ACSS3: variants seen among roughly 807,000 people sequenced by gnomAD.
The protein encoded by ACSS3 is acyl-CoA synthetase short chain family member 3.
Under a neutral mutation model 84.2 loss-of-function variants are expected in ACSS3, and 64 were observed. The ratio of observed to expected loss-of-function variants is 0.76; its 90% CI spans 0.62 to 0.94. ACSS3 has a LOEUF of 0.94. ACSS3 is among the 40% of genes least tolerant of loss of function. The pLI, the probability that ACSS3 is intolerant of heterozygous loss-of-function variation, is 0.00. For synonymous variants in ACSS3, 317 were observed against 310.1 expected (o/e 1.02, Z -0.23); for missense variants, 815 against 867.6 (o/e 0.94, Z 0.76).
chr12:81,150,469 A>G (rs1886556610), intron 5 of ACSS3, among the ~76,000 whole-genome samples: 1 of 152,216 alleles, frequency 6.6e-6, no homozygotes, highest in Admixed American at 6.5e-5. Flanking sequence ...GGACGATAGG[A>G]TAGGATACAG....
intron 1 of ACSS3, among the ~76,000 whole-genome samples, chr12:81,090,474 T>C (rs1164746128): frequency 6.6e-6 from 1 of 151,306 alleles, no homozygotes; most frequent in Non-Finnish European, 1.5e-5. Flanking sequence ...GCCTTCTGTA[T>C]ATATCAGTTG....
At chr12:81,145,513 T>A (rs1294499259) in intron 5 of ACSS3, among the ~76,000 whole-genome samples, 2 of 152,084 alleles carry the variant, frequency 1.3e-5, no homozygotes, top group East Asian at 3.9e-4. Flanking sequence ...AGGTGATCCT[T>A]TAGTTGGGAA....
intron 5 of ACSS3, among the ~76,000 whole-genome samples, chr12:81,144,903 C>CTTTTTTTTTTTTTTTT (rs1292727483): frequency 1.9e-4 from 22 of 116,940 alleles, no homozygotes; most frequent in East Asian, 9.8e-4. Context: ...TTTTTCTTTT[C>CTTTTTTTTTTTTTTTT]TTTTTTTTTT....
chr12:81,100,900 C>T (rs902751466), intron 1 of ACSS3, among the ~76,000 whole-genome samples: 10 of 152,116 alleles, frequency 6.6e-5, no homozygotes, highest in Admixed American at 1.3e-4. Flanking sequence ...CTACAGAAAG[C>T]GACATGGCCA....
intron 1 of ACSS3, among the ~76,000 whole-genome samples, chr12:81,105,144 C>T (rs1159548936): frequency 6.6e-6 from 1 of 152,176 alleles, no homozygotes; most frequent in Non-Finnish European, 1.5e-5. Context: ...TGGGTGCCAG[C>T]ACTGAGATGA....
At chr12:81,165,858 G>A (rs554520675) in intron 7 of ACSS3, among the ~76,000 whole-genome samples, 2 of 152,234 alleles carry the variant, frequency 1.3e-5, no homozygotes, top group East Asian at 3.9e-4. Flanking sequence ...TAGATAGGAA[G>A]AACTTTGTGA....
At chr12:81,165,844 C>G (rs1002427992) in intron 7 of ACSS3, among the ~76,000 whole-genome samples, 7 of 151,938 alleles carry the variant, frequency 4.6e-5, no homozygotes, top group African/African-American at 9.7e-5. Context: ...ATGTTTGCAA[C>G]TAGTAGATAG....
chr12:81,117,953 A>G (rs983159167), intron 2 of ACSS3: 9 of 152,142 alleles, frequency 5.9e-5, no homozygotes, highest in Non-Finnish European at 1.3e-4. Context: ...TGAACCAATT[A>G]TGCAGCAGTT....
intron 2 of ACSS3, chr12:81,125,764 C>G (rs991051882): frequency 2.0e-5 from 3 of 152,108 alleles, no homozygotes; most frequent in Non-Finnish European, 2.9e-5. Flanking sequence ...GCAGGATTGC[C>G]GAGTAGGTGT....
chr12:81,079,309 T>C lies in ACSS3; in HGVS notation c.311+878T>C, dbSNP rs1880823659. On this transcript the variant is annotated intron_variant, in intron 1 of 15. Transcript: ENST00000548058. ...GGTGAAGCACAGTCAGTGATACTCT[T>C]AGAGTGTGGCTCCTTATGTGTCTGC... is the stretch of plus-strand genomic sequence containing the variant. 2.0e-5 allele frequency among the ~76,000 whole-genome samples: 3 copies of C among 152,322 alleles called. No homozygotes were observed. The East Asian group carries it at 5.8e-4, about 29-fold the overall frequency.
rs1181815619 is a variant in ACSS3 at position 81,259,383 on chromosome 12, A to T, written c.*4461A>T. 8.0e-6 allele frequency: 5 copies of T among 623,980 alleles called. No individual in the cohort carries two copies. In the South Asian group the frequency reaches 8.0e-5, roughly 10 times the overall value. The allele number at this position is 623,980 out of a possible 1,614,324, so 38.7% of individuals were successfully genotyped here. ...ATAAATGCCTAGTATATTACAATAA[A>T]ACATGAAAAACAACTGGCTTCATTT... On this transcript the variant is annotated 3_prime_UTR_variant, in exon 16 of 16. Coordinates refer to ENST00000548058, the MANE Select transcript of ACSS3 (RefSeq NM_024560.4).
rs2034256322 is a variant in ACSS3 at position 81,254,882 on chromosome 12, G to A, written c.2021G>A (p.Ser674Asn). The stretch of plus-strand genomic sequence containing the variant: ...ATAACTTCTACAATTGAAGACCCCA[G>A]CATTTTTGGCCACGTAGAAGAAATG... ...YKITSTIEDP[S>N]IFGHVEEMLK... Residue 674 changes from serine to asparagine, a missense_variant, in exon 16 of 16, where the codon AGC (serine) becomes AAC (asparagine). Ser to Asn is a conservative substitution (Grantham distance 46). Coordinates refer to ENST00000548058, the MANE Select transcript of ACSS3 (RefSeq NM_024560.4). 6 of 1,608,872 alleles carry A rather than the reference G, an allele frequency of 3.7e-6. No homozygotes were observed. In the Middle Eastern group the frequency reaches 5.0e-4, roughly 133 times the overall value.
At chr12:81,208,703 A>T (rs2032454955) in intron 9 of ACSS3, among the ~76,000 whole-genome samples, 1 of 150,776 alleles carries the variant, frequency 6.6e-6, no homozygotes, top group Non-Finnish European at 1.5e-5. Context: ...TTCCTGGAAC[A>T]ATATTCAAAT....
chr12:81,081,589 ACT>A (rs1880981650), intron 1 of ACSS3, among the ~76,000 whole-genome samples: 1 of 152,024 alleles, frequency 6.6e-6, no homozygotes, highest in African/African-American at 2.4e-5. Context: ...TCCAGCTGCC[ACT>A]CTCTGAAGGA....
chr12:81,257,887 T>C lies in ACSS3; in HGVS notation c.*2965T>C, dbSNP rs2034370398. 6.6e-6 allele frequency: 1 copy of C among 152,148 alleles called. No homozygotes were observed. Among genetic ancestry groups the C allele is most frequent in the Non-Finnish European group, 1.5e-5 (1 of 68,010 alleles). The allele number at this position is 152,148 out of a possible 1,614,324, so 9.4% of individuals were successfully genotyped here. ...TCTTTTGCATCACTATATGTTAGTG[T>C]CTATTATAGATGATTAATCTTTCTA... On this transcript the variant is annotated 3_prime_UTR_variant, in exon 16 of 16. Transcript: ENST00000548058.
At chr12:81,164,057 A>G (rs909437893) in intron 7 of ACSS3, among the ~76,000 whole-genome samples, 2 of 152,150 alleles carry the variant, frequency 1.3e-5, no homozygotes, top group African/African-American at 4.8e-5. Flanking sequence ...ACACCTTCAT[A>G]TTCATTCACC....
chr12:81,186,330 T>C (rs1347624973), intron 8 of ACSS3, among the ~76,000 whole-genome samples: 1 of 151,596 alleles, frequency 6.6e-6, no homozygotes. Flanking sequence ...TATCAAATGC[T>C]CAGGCCACAA....
At chr12:81,161,824 C>CATGT in intron 7 of ACSS3, among the ~76,000 whole-genome samples, 1 of 152,072 alleles carries the variant, frequency 6.6e-6, no homozygotes, top group East Asian at 2.0e-4. Context: ...AGCGTGGGGT[C>CATGT]CAGCCACTGC....
Position 81,220,005 on chromosome 12 carries a change from CT to C in ACSS3, c.1451-5del. On this transcript the variant is annotated splice_polypyrimidine_tract_variant and splice_region_variant and intron_variant, in intron 10 of 15. Coordinates refer to ENST00000548058, the MANE Select transcript of ACSS3 (RefSeq NM_024560.4). ...TTTTTATTCAAATATTTATATTTTA[CT>C]TTGTAGTTATGATTTTGGATGACAA... 1.3e-6 allele frequency: 2 copies of C among 1,492,582 alleles called. No individual in the cohort carries two copies. Among genetic ancestry groups the C allele is most frequent in the East Asian group, 2.4e-5 (1 of 41,098 alleles). The allele number at this position is 1,492,582 out of a possible 1,614,324, so 92.5% of individuals were successfully genotyped here.
Sources: gnomAD v4.1 joint callset for allele counts (sites outside exome capture counted in the v4.1 genomes callset) on GRCh38, gnomAD v4.1.1 for gene constraint, MANE v1.5 for transcripts, NCBI Gene and HGNC (gene_info 2026-07-23, HGNC 2026-07-21) for gene names.